Variants in ARMCX1 observed in about 807,000 individuals in gnomAD.
The protein encoded by ARMCX1 is armadillo repeat containing X-linked 1.
Under a neutral mutation model 15.4 loss-of-function variants are expected in ARMCX1, and 4 were observed. That is an observed-to-expected ratio of 0.26 (90% CI 0.13 to 0.59). ARMCX1 has a LOEUF of 0.59. Among genes scored for constraint, ARMCX1 ranks in the 20% least tolerant of loss-of-function variants. The pLI, the probability that ARMCX1 is intolerant of heterozygous loss-of-function variation, is 0.89. For synonymous variants in ARMCX1, 144 were observed against 130.5 expected (o/e 1.10, Z -0.71); for missense variants, 273 against 337.1 (o/e 0.81, Z 1.49).
At chrX:101,551,665 G>A (rs1603234673) in intron 3 of ARMCX1, 32 bp downstream of exon 3, 1 of 111,583 alleles carries the variant, frequency 9.0e-6, no homozygotes, top group East Asian at 2.9e-4. Context: ...GGCATTATTT[G>A]GGGGTGGAGC....
Position 101,553,398 on chromosome X carries a change from G to C in ARMCX1, c.468G>C (p.Arg156Ser). 8.4e-7 allele frequency: 1 copy of C among 1,190,835 alleles called. No homozygotes were observed. Among genetic ancestry groups the C allele is most frequent in the Non-Finnish European group, 1.1e-6 (1 of 885,671 alleles). Residue 156 changes from arginine (R) to serine (S), a missense_variant, in exon 4 of 4, where the codon AGG becomes AGC. By Grantham distance (110) the Arg-to-Ser change is moderately radical. Transcript: ENST00000372829. The part of the protein sequence containing the change: ...GGRGGGCHPT[R>S]SGSRAGGRAS... ...GGGGTGGAGGCTGCCACCCCACCAG[G>C]AGTGGATCTAGGGCCGGGGGCAGGG...
rs781935716 is a variant in ARMCX1, at chrX:101,554,190, A to G, written c.1260A>G (p.Leu420=). The G allele has an allele frequency of 4.1e-6, 5 of 1,209,817 alleles. No homozygotes were observed. The South Asian group carries it at 8.9e-5, about 21-fold the overall frequency. Residue 420 remains leucine, a synonymous_variant, in exon 4 of 4, where the codon TTA becomes TTG. Transcript: ENST00000372829. ...KEFSRSSLFF[L]FKESGVCVKK... is the part of the protein sequence containing the mutation. ...TCAGCAGAAGTTCACTTTTTTTCTT[A>G]TTCAAAGAGTCTGGAGTTTGTGTTA...
In ARMCX1 at chrX:101,554,513, C is replaced by A. The variant is rs1305217262; in HGVS notation, c.*221C>A. On this transcript the variant is annotated 3_prime_UTR_variant, in exon 4 of 4. Transcript: ENST00000372829. ...GCCAAATGAAATATTAGTATTTGTA[C>A]ACAGAAAGAATTTATTGATTTGATC... The A allele has an allele frequency of 6.1e-6, 2 of 325,363 alleles. No homozygotes were observed. The highest frequency in any genetic ancestry group is 1.0e-4 in the East Asian group (2 of 19,983). The allele number at this position is 325,363 out of a possible 1,213,427, so 26.8% of individuals were successfully genotyped here. A position where few individuals can be genotyped will look rare whatever the true frequency, so the allele number is the denominator to read the frequency against.
rs1349883538 is a variant in ARMCX1 at position 101,551,650 on chromosome X, G to A, written c.-123+17G>A. 2.7e-5 allele frequency: 3 copies of A among 111,737 alleles called. No homozygotes were observed. The highest frequency in any genetic ancestry group is 5.6e-5 in the Non-Finnish European group (3 of 53,156). The allele number at this position is 111,737 out of a possible 1,213,427, so 9.2% of individuals were successfully genotyped here. On this transcript the variant is annotated intron_variant, in intron 3 of 3. Coordinates refer to ENST00000372829, the MANE Select transcript of ARMCX1 (RefSeq NM_016608.2). Reference sequence around the variant, plus strand: ...AAGAACCAAGTAGGTCATAATAAGGGTGATGGCATTATTTGGGGGTGGAGC... The same window carrying A: ...AAGAACCAAGTAGGTCATAATAAGGATGATGGCATTATTTGGGGGTGGAGC...
chrX:101,550,818 G>C (rs782155391), intron 1 of ARMCX1, among the ~76,000 whole-genome samples, 153 bp from the exon 2 acceptor site: 1 of 111,582 alleles, frequency 9.0e-6, no homozygotes, highest in African/African-American at 3.3e-5. Context: ...GATTCCAGGG[G>C]CGACCCCAGA....
At chrX:101,551,741 C>T (rs909293480) in intron 3 of ARMCX1, 108 bp downstream of exon 3, 1 of 110,535 alleles carries the variant, frequency 9.0e-6, no homozygotes, top group African/African-American at 3.3e-5. Context: ...TCCCTCTTAT[C>T]TACACCATTT....
At position 101,552,860 on chromosome X, in the gene ARMCX1, G is replaced by T; in HGVS notation, c.-71G>T. 1.8e-6 allele frequency: 2 copies of T among 1,130,050 alleles called. No homozygotes were observed. Among genetic ancestry groups the T allele is most frequent in the Non-Finnish European group, 1.2e-6 (1 of 847,042 alleles). The allele number at this position is 1,130,050 out of a possible 1,213,427, so 93.1% of individuals were successfully genotyped here. A position where few individuals can be genotyped will look rare whatever the true frequency, so the allele number is the denominator to read the frequency against. On this transcript the variant is annotated 5_prime_UTR_variant, in exon 4 of 4. Coordinates refer to ENST00000372829, the MANE Select transcript of ARMCX1 (RefSeq NM_016608.2). Reference sequence around the variant, plus strand: ...AGTAGCTGCAGACTCCGCCCGCGACGTGTGCGCGCTTCTCTGGGCCAGAGC... The same window carrying T: ...AGTAGCTGCAGACTCCGCCCGCGACTTGTGCGCGCTTCTCTGGGCCAGAGC...
chrX:101,553,063 A>C lies in ARMCX1; in HGVS notation c.133A>C (p.Thr45Pro). 1 of 1,211,773 alleles carries C rather than the reference A, an allele frequency of 8.3e-7. No individual in the cohort carries two copies. The highest frequency in any genetic ancestry group is 1.8e-5 in the South Asian group (1 of 56,966). The change falls in exon 4 of 4, where the codon ACG (threonine) becomes CCG (proline). Residue 45 changes from threonine (T) to proline (P), a missense_variant. Coordinates refer to ENST00000372829, the MANE Select transcript of ARMCX1 (RefSeq NM_016608.2). ...AATCTGGGACGAAGACGAGGAGTCT[A>C]CGGACACCTCAGAGATTGGGGTTGA... ...EKIWDEDEES[T>P]DTSEIGVETV...
rs1935401964 is a variant in ARMCX1 at position 101,553,228 on chromosome X, A to C, written c.298A>C (p.Ser100Arg). ...VKEKAHSGSH[S>R]GGGLEAKAKA... ...AGAGAAGGCCCATTCAGGATCCCAC[A>C]GCGGAGGTGGCCTAGAGGCCAAGGC... Residue 100 changes from serine to arginine, a missense_variant, in exon 4 of 4, where the codon AGC becomes CGC. This residue lies in a region of ARMCX1 where 147 missense variants were observed against 143.5 expected (regional missense o/e 1.02). Transcript: ENST00000372829. 8.3e-7 allele frequency: 1 copy of C among 1,210,659 alleles called. No homozygotes were observed. The highest frequency in any genetic ancestry group is 1.7e-5 in the African/African-American group (1 of 57,353).
chrX:101,551,196 G>A (rs1321060415), intron 2 of ARMCX1, among the ~76,000 whole-genome samples, 172 bp downstream of exon 2: 1 of 110,839 alleles, frequency 9.0e-6, no homozygotes, highest in Admixed American at 9.6e-5. Context: ...GTGATTGCGG[G>A]TAGGGTGCGT....
At position 101,552,848 on chromosome X, in the gene ARMCX1, T is replaced by TC. The variant is rs1157633987; in HGVS notation, c.-81dup. 2.7e-6 allele frequency: 3 copies of TC among 1,092,672 alleles called. No homozygotes were observed. In the African/African-American group the frequency reaches 5.6e-5, roughly 20 times the overall value. 90.0% of individuals were successfully genotyped at this position (1,092,672 alleles called of 1,213,427 possible). On this transcript the variant is annotated 5_prime_UTR_variant, in exon 4 of 4. Transcript: ENST00000372829. Reference sequence around the variant, plus strand: ...GAGCCGGCCCGCAGTAGCTGCAGACTCCGCCCGCGACGTGTGCGCGCTTCT... The same window carrying TC: ...GAGCCGGCCCGCAGTAGCTGCAGACTCCCGCCCGCGACGTGTGCGCGCTTCT...
At chrX:101,551,241 T>G (rs782063928) in intron 2 of ARMCX1, among the ~76,000 whole-genome samples, 2 of 110,173 alleles carry the variant, frequency 1.8e-5, no homozygotes, top group Non-Finnish European at 3.8e-5. Flanking sequence ...GTTGGTTTTG[T>G]TTTTCTCCTC....
chrX:101,551,371 A>C (rs1247920077), intron 2 of ARMCX1, among the ~76,000 whole-genome samples, 198 bp from the exon 3 acceptor site: 1 of 110,408 alleles, frequency 9.1e-6, no homozygotes, highest in Non-Finnish European at 1.9e-5. Flanking sequence ...GGGGGCGGGG[A>C]CGGGGGTAGG....
Position 101,553,376 on chromosome X carries a change from G to T in ARMCX1, c.446G>T (p.Gly149Val). The T allele has an allele frequency of 8.4e-7, 1 of 1,188,455 alleles. No individual in the cohort carries two copies. The stretch of plus-strand genomic sequence containing the variant: ...AGTTTACCCTGCCCAGGAGGCAGGG[G>T]TGGAGGCTGCCACCCCACCAGGAGT... ...APSLPCPGGR[G>V]GGCHPTRSGS... Residue 149 changes from glycine (G) to valine (V), a missense_variant, in exon 4 of 4, where the codon GGT becomes GTT. By Grantham distance (109) the Gly-to-Val change is moderately radical. Coordinates refer to ENST00000372829, the MANE Select transcript of ARMCX1 (RefSeq NM_016608.2).
rs371723828 is a variant in ARMCX1 at position 101,553,527 on chromosome X, T to C, written c.597T>C (p.Asp199=). Residue 199 remains aspartate (D), a synonymous_variant, in exon 4 of 4, where the codon GAT becomes GAC. Transcript: ENST00000372829. ...RGKFNFPYKI[D]DILSAPDLQK... ...AGTTCAACTTTCCTTATAAAATTGA[T>C]GATATTCTGAGTGCTCCCGACCTCC... 2.5e-4 allele frequency: 306 copies of C among 1,209,725 alleles called. No homozygotes were observed. The highest frequency in any genetic ancestry group is 3.7e-4 in the Admixed American group (17 of 45,749).
chrX:101,551,340 C>T (rs1292806960), intron 2 of ARMCX1, among the ~76,000 whole-genome samples: 16 of 109,625 alleles, frequency 1.5e-4, no homozygotes, highest in Non-Finnish European at 3.8e-5. Flanking sequence ...ACCGCTGGGG[C>T]TGCGGGAGGG....
Position 101,554,144 on chromosome X carries a change from T to C in ARMCX1, c.1214T>C (p.Leu405Pro). The change falls in exon 4 of 4, where the codon CTC (leucine) becomes CCC (proline). Residue 405 changes from leucine (L) to proline (P), a missense_variant. Coordinates refer to ENST00000372829, the MANE Select transcript of ARMCX1 (RefSeq NM_016608.2). ...AATGACAACATAAAAAATGAAGGGC[T>C]CGCATCATCCAGGAAAGAATTCAGC... ...NINDNIKNEG[L>P]ASSRKEFSRS... 1 of 1,211,054 alleles carries C rather than the reference T, an allele frequency of 8.3e-7. No homozygotes were observed. Among genetic ancestry groups the C allele is most frequent in the Non-Finnish European group, 1.1e-6 (1 of 895,214 alleles).
Position 101,552,961 on chromosome X carries a change from G to A in ARMCX1, c.31G>A (p.Ala11Thr), listed in dbSNP as rs371247745. The A allele has an allele frequency of 3.3e-6, 4 of 1,209,393 alleles. No individual in the cohort carries two copies. The African/African-American group carries it at 7.0e-5, about 21-fold the overall frequency. The part of the protein sequence containing the change: MGRTREAGCV[A>T]AGVVIGAGAC... ...CCGCACTCGGGAAGCTGGCTGCGTG[G>A]CCGCTGGTGTGGTTATCGGGGCTGG... The change falls in exon 4 of 4, where the codon GCC becomes ACC. Residue 11 changes from alanine to threonine, a missense_variant. Physicochemically the swap from Ala to Thr is moderately conservative, Grantham distance 58. Transcript: ENST00000372829.
rs1456189965 is a variant in ARMCX1 at position 101,552,849 on chromosome X, C to G, written c.-82C>G. On this transcript the variant is annotated 5_prime_UTR_variant, in exon 4 of 4. Coordinates refer to ENST00000372829, the MANE Select transcript of ARMCX1 (RefSeq NM_016608.2). ...AGCCGGCCCGCAGTAGCTGCAGACT[C>G]CGCCCGCGACGTGTGCGCGCTTCTC... is the stretch of plus-strand genomic sequence containing the variant. 24 of 1,095,947 alleles carry G rather than the reference C, an allele frequency of 2.2e-5. No homozygotes were observed. In the Middle Eastern group the frequency reaches 1.3e-3, roughly 59 times the overall value. 90.3% of individuals were successfully genotyped at this position (1,095,947 alleles called of 1,213,427 possible).
Sources: gnomAD v4.1 joint callset for allele counts (sites outside exome capture counted in the v4.1 genomes callset) on GRCh38, gnomAD v4.1.1 for gene constraint, gnomAD v4.1.1 regional missense constraint, MANE v1.5 for transcripts, NCBI Gene and HGNC (gene_info 2026-07-23, HGNC 2026-07-21) for gene names.